The following SPICE1 variants were observed in gnomAD, a reference collection of about 807,000 sequenced individuals.
The protein encoded by SPICE1 is spindle and centriole associated protein 1.
Under a neutral mutation model 102.7 loss-of-function variants are expected in SPICE1, and 75 were observed. The observed-to-expected ratio is 0.73, with a 90% CI of 0.61 to 0.88. SPICE1 has a LOEUF of 0.88. SPICE1 is among the 40% of genes least tolerant of loss of function. The pLI, the probability that SPICE1 is intolerant of heterozygous loss-of-function variation, is 0.00. For missense variants in SPICE1, 979 were observed against 1,020.1 expected (o/e 0.96, Z 0.55); for synonymous variants, 308 against 350.3 (o/e 0.88, Z 1.35).
chr3:113,485,819 A>C (rs1357305036), intron 7 of SPICE1, among the ~76,000 whole-genome samples: 2 of 152,354 alleles, frequency 1.3e-5, no homozygotes, highest in Non-Finnish European at 2.9e-5. Context: ...GCAGCCATAA[A>C]AAGGAATTAA....
chr3:113,496,059 C>CTTTTTTTTTTTTTT, intron 4 of SPICE1, among the ~76,000 whole-genome samples: 1 of 82,934 alleles, frequency 1.2e-5, no homozygotes, highest in Non-Finnish European at 2.3e-5. Context: ...TTTTTTACAA[C>CTTTTTTTTTTTTTT]TTTTTTTTTT....
At chr3:113,497,143 T>C (rs1936909092) in intron 4 of SPICE1, among the ~76,000 whole-genome samples, 1 of 152,218 alleles carries the variant, frequency 6.6e-6, no homozygotes, top group African/African-American at 2.4e-5. Context: ...TGACATGTAA[T>C]AGGAGTAGCA....
intron 7 of SPICE1, among the ~76,000 whole-genome samples, chr3:113,485,269 C>T (rs969545508): frequency 2.0e-5 from 3 of 151,818 alleles, no homozygotes; most frequent in African/African-American, 7.3e-5. Flanking sequence ...AGCTAGGCAG[C>T]CAAGTGGTCT....
chr3:113,445,761 TCTC>T (rs905214640), intron 17 of SPICE1, among the ~76,000 whole-genome samples: 1 of 152,148 alleles, frequency 6.6e-6, no homozygotes, highest in African/African-American at 2.4e-5. Flanking sequence ...AAAGAACAAA[TCTC>T]CTAGAACTGG....
chr3:113,446,231 C>G (rs1217883548), intron 17 of SPICE1, among the ~76,000 whole-genome samples: 1 of 152,142 alleles, frequency 6.6e-6, no homozygotes, highest in African/African-American at 2.4e-5. Context: ...GTCCCAGACC[C>G]CACCCAAGCA....
chr3:113,469,938 G>C (rs1306307467), intron 7 of SPICE1, among the ~76,000 whole-genome samples: 1 of 152,184 alleles, frequency 6.6e-6, no homozygotes. Flanking sequence ...GCTCATCAAT[G>C]AAGTAAATTG....
At chr3:113,457,949 T>C (rs1018517114) in intron 12 of SPICE1, among the ~76,000 whole-genome samples, 10 of 152,226 alleles carry the variant, frequency 6.6e-5, no homozygotes, top group African/African-American at 1.9e-4. Context: ...AAATGGGTCA[T>C]ATTAATGCAC....
chr3:113,469,875 C>G (rs1936155144), intron 7 of SPICE1, among the ~76,000 whole-genome samples: 1 of 152,118 alleles, frequency 6.6e-6, no homozygotes. Context: ...GGCTCAGCCC[C>G]TTTTGGTTTC....
intron 13 of SPICE1, among the ~76,000 whole-genome samples, chr3:113,455,229 G>A (rs1438959071): frequency 6.6e-6 from 1 of 151,996 alleles, no homozygotes; most frequent in Non-Finnish European, 1.5e-5. Context: ...TTAAAATAAA[G>A]GATGAATGGG....
intron 10 of SPICE1, among the ~76,000 whole-genome samples, 190 bp downstream of exon 10, chr3:113,467,949 C>T (rs1441127264): frequency 6.6e-6 from 1 of 152,122 alleles, no homozygotes; most frequent in Admixed American, 6.6e-5. Context: ...CTTATCTGAG[C>T]ATGTATCAAC....
At chr3:113,508,739 G>T (rs1681249178) in intron 1 of SPICE1, among the ~76,000 whole-genome samples, 1 of 152,168 alleles carries the variant, frequency 6.6e-6, no homozygotes, top group South Asian at 2.1e-4. Flanking sequence ...ACATGACCCA[G>T]CAATTCAACT....
chr3:113,471,321 T>G (rs1936192970), intron 7 of SPICE1, among the ~76,000 whole-genome samples: 2 of 152,202 alleles, frequency 1.3e-5, no homozygotes, highest in Non-Finnish European at 2.9e-5. Flanking sequence ...TTTTTCATAT[T>G]TCATGTACAT....
At chr3:113,464,547 G>A (rs750462037) in intron 11 of SPICE1, among the ~76,000 whole-genome samples, 10 of 151,970 alleles carry the variant, frequency 6.6e-5, no homozygotes, top group African/African-American at 9.7e-5. Context: ...GAGCCACTGC[G>A]CCTCGCCCTA....
intron 7 of SPICE1, among the ~76,000 whole-genome samples, chr3:113,478,251 A>T (rs999478505): frequency 6.6e-6 from 1 of 152,156 alleles, no homozygotes; most frequent in African/African-American, 2.4e-5. Flanking sequence ...TTAAAAGAAG[A>T]ATATTTCCAA....
chr3:113,464,090 C>T (rs1371665359), intron 11 of SPICE1, among the ~76,000 whole-genome samples: 2 of 151,494 alleles, frequency 1.3e-5, no homozygotes, highest in Non-Finnish European at 1.5e-5. Flanking sequence ...AAAAAGGGTA[C>T]AGGATTTCTC....
intron 13 of SPICE1, among the ~76,000 whole-genome samples, chr3:113,455,982 T>C (rs1935770222): frequency 6.6e-6 from 1 of 152,188 alleles, no homozygotes; most frequent in African/African-American, 2.4e-5. Context: ...TCTTCTCATT[T>C]CATAGATGGA....
rs778183174 is a variant in SPICE1 at position 113,453,548 on chromosome 3, T to C, written c.2060A>G (p.Asn687Ser). The C allele has an allele frequency of 6.2e-7, 1 of 1,614,172 alleles. No homozygotes were observed. Among genetic ancestry groups the C allele is most frequent in the Non-Finnish European group, 8.5e-7 (1 of 1,179,970 alleles). The part of the protein sequence containing the change: ...LQNSAIKAHM[N>S]NIIEPRGEQG... ...CTCTCCTCTGGGCTCAATAATATTA[T>C]TCATATGTGCCTTGATAGCTGAATT... Residue 687 changes from asparagine (N) to serine (S), a missense_variant, in exon 14 of 18, where the codon AAT becomes AGT. Transcript: ENST00000295872.
At chr3:113,474,690 T>A (rs914488413) in intron 7 of SPICE1, among the ~76,000 whole-genome samples, 1 of 152,060 alleles carries the variant, frequency 6.6e-6, no homozygotes, top group Non-Finnish European at 1.5e-5. Context: ...GAATGACTAC[T>A]GGGTACATAA....
intron 17 of SPICE1, 142 bp downstream of exon 17, chr3:113,446,447 G>T: frequency 5.8e-6 from 4 of 689,608 alleles, no homozygotes; most frequent in Non-Finnish European, 9.9e-6. Context: ...TCCTAAAAAG[G>T]TAAATTAGTA....
Sources: gnomAD v4.1 joint callset for allele counts (sites outside exome capture counted in the v4.1 genomes callset) on GRCh38, gnomAD v4.1.1 for gene constraint, MANE v1.5 for transcripts, NCBI Gene and HGNC (gene_info 2026-07-23, HGNC 2026-07-21) for gene names.